The following PPM1H variants were observed in gnomAD, a reference collection of about 807,000 sequenced individuals.
PPM1H encodes protein phosphatase, Mg2+/Mn2+ dependent 1H.
Under a neutral mutation model 54.9 loss-of-function variants are expected in PPM1H, and 27 were observed. That is an observed-to-expected ratio of 0.49 (90% confidence interval 0.36 to 0.68). The LOEUF (loss-of-function observed/expected upper bound fraction) is 0.68, where lower values mean the gene tolerates loss of function less well. PPM1H is among the 30% of genes least tolerant of loss of function. PPM1H has a pLI of 0.00. For synonymous variants in PPM1H, 305 were observed against 270.8 expected, an observed-to-expected ratio of 1.13 and a Z score of -1.24; for missense variants, 596 against 667.8, an observed-to-expected ratio of 0.89 and a Z score of 1.19.
intron 5 of PPM1H, among the ~76,000 whole-genome samples, chr12:62,726,925 T>A (rs1327121297): frequency 6.6e-6 from 1 of 152,204 alleles, no homozygotes; most frequent in Non-Finnish European, 1.5e-5. Flanking sequence ...ACTGACTTTT[T>A]TTTTTTGAGA....
At chr12:62,843,278 C>T (rs1868824786) in intron 1 of PPM1H, among the ~76,000 whole-genome samples, 1 of 152,182 alleles carries the variant, frequency 6.6e-6, no homozygotes, top group Admixed American at 6.5e-5. Context: ...GATGGCGCCA[C>T]TGCACTCCAG....
chr12:62,717,765 G>C (rs1163740083), intron 6 of PPM1H, among the ~76,000 whole-genome samples: 1 of 152,174 alleles, frequency 6.6e-6, no homozygotes, highest in Non-Finnish European at 1.5e-5. Context: ...TACTTACAAA[G>C]AGAGGTTTGA....
In PPM1H at chr12:62,932,628, C is replaced by CTTTTTT. The variant is rs61003358; in HGVS notation, c.245+1858_245+1863dup. Among the ~76,000 whole-genome samples, 295 of 53,984 alleles carry CTTTTTT rather than the reference C, an allele frequency of 5.5e-3. 67 individuals are homozygous for CTTTTTT. The highest frequency in any genetic ancestry group is 0.012 in the African/African-American group (165 of 14,340). The allele number at this position is 53,984 out of a possible 152,430, so 35.4% of individuals were successfully genotyped here. On this transcript the variant is annotated intron_variant, in intron 1 of 9. Transcript: ENST00000228705. ...CTGTCTCGTAAAGGGTCCAAATGGG[C>CTTTTTT]TTTTTTTTTTTTTTTTTTTTTTTGA... is the stretch of plus-strand genomic sequence containing the variant.
chr12:62,909,867 T>C lies in PPM1H; in HGVS notation c.245+24625A>G, dbSNP rs1871403857. 2.0e-5 allele frequency among the ~76,000 whole-genome samples: 3 copies of C among 152,348 alleles called. No homozygotes were observed. The South Asian group carries it at 6.2e-4, about 32-fold the overall frequency. ...CAAAAGAATGCGTCTCAAAGTATTA[T>C]TAAAGCAAGTCAGTAGTGTGTATTA... On this transcript the variant is annotated intron_variant, in intron 1 of 9. Transcript: ENST00000228705.
intron 9 of PPM1H, among the ~76,000 whole-genome samples, chr12:62,659,946 C>T (rs1480756629): frequency 6.6e-6 from 1 of 152,198 alleles, no homozygotes; most frequent in Non-Finnish European, 1.5e-5. Flanking sequence ...TTGAACCCAG[C>T]AACTCTCCAC....
chr12:62,767,984 A>G (rs1425531090), intron 4 of PPM1H, among the ~76,000 whole-genome samples: 4 of 152,170 alleles, frequency 2.6e-5, no homozygotes, highest in Admixed American at 6.5e-5. Context: ...GTTTGGCCTC[A>G]TCTTAATTAT....
At position 62,720,197 on chromosome 12, in the gene PPM1H, G is replaced by C; in HGVS notation, c.1047C>G (p.Leu349=). The stretch of plus-strand genomic sequence containing the variant: ...AGCCTGTCATATTAAAGTCCCTGTA[G>C]AGCATCTTCTTTCCAAGCTCCTTTC... ...VQRKELGKKM[L]YRDFNMTGWA... The change falls in exon 6 of 10, where the codon CTC becomes CTG. Residue 349 remains leucine (L), a synonymous_variant. Coordinates refer to ENST00000228705, the MANE Select transcript of PPM1H (RefSeq NM_020700.2). 2 of 1,611,118 alleles carry C rather than the reference G, an allele frequency of 1.2e-6. No homozygotes were observed. The highest frequency in any genetic ancestry group is 1.7e-6 in the Non-Finnish European group (2 of 1,177,322).
chr12:62,862,898 A>C (rs953434414), intron 1 of PPM1H, among the ~76,000 whole-genome samples: 4 of 152,334 alleles, frequency 2.6e-5, no homozygotes, highest in Admixed American at 1.3e-4. Flanking sequence ...AATTCAATAC[A>C]TTTTTAAATG....
At chr12:62,843,239 C>T (rs767994986) in intron 1 of PPM1H, among the ~76,000 whole-genome samples, 31 of 152,166 alleles carry the variant, frequency 2.0e-4, no homozygotes, top group Non-Finnish European at 3.5e-4. Context: ...TTGCTTGGAA[C>T]CCCGGAGGTG....
intron 4 of PPM1H, among the ~76,000 whole-genome samples, chr12:62,749,422 T>C (rs1412241736): frequency 5.3e-5 from 8 of 152,224 alleles, no homozygotes; most frequent in Non-Finnish European, 1.2e-4. Context: ...ATCCATTTTG[T>C]TCAAAAGCAT....
rs75983458 is a variant in PPM1H, at chr12:62,857,213, C to T, written c.246-24934G>A. Among the ~76,000 whole-genome samples the T allele has an allele frequency of 6.8e-3, 921 of 135,828 alleles. 16 individuals are homozygous for T. Among genetic ancestry groups the T allele is most frequent in the African/African-American group, 0.026 (874 of 33,036 alleles). The allele number at this position is 135,828 out of a possible 152,430, so 89.1% of individuals were successfully genotyped here. A position where few individuals can be genotyped will look rare whatever the true frequency, so the allele number is the denominator to read the frequency against. On this transcript the variant is annotated intron_variant, in intron 1 of 9. Transcript: ENST00000228705. ...AAAGGGCTGGCACAAAGACAGCACT[C>T]AAATATTTTAACAAACAAACAAATA...
chr12:62,692,960 C>CACACAT, intron 7 of PPM1H, among the ~76,000 whole-genome samples: 1 of 151,936 alleles, frequency 6.6e-6, no homozygotes, highest in South Asian at 2.1e-4. Context: ...CACACACACA[C>CACACAT]ACACTCTGCC....
At position 62,836,376 on chromosome 12, in the gene PPM1H, G is replaced by A. The variant is rs1375868984; in HGVS notation, c.246-4097C>T. On this transcript the variant is annotated intron_variant, in intron 1 of 9. Transcript: ENST00000228705. Reference sequence around the variant, plus strand: ...CAGAAATCAACTCTGCTACTTCCTAGGTGTGGATAACAGTATCTCACATTT... The same window carrying A: ...CAGAAATCAACTCTGCTACTTCCTAAGTGTGGATAACAGTATCTCACATTT... 3.3e-5 allele frequency among the ~76,000 whole-genome samples: 5 copies of A among 152,300 alleles called. No homozygotes were observed. The East Asian group carries it at 7.7e-4, about 23-fold the overall frequency.
chr12:62,808,623 A>G (rs950242471), intron 2 of PPM1H, among the ~76,000 whole-genome samples: 3 of 151,984 alleles, frequency 2.0e-5, no homozygotes, highest in African/African-American at 4.8e-5. Flanking sequence ...CACCCACACC[A>G]AACTACAGAA....
chr12:62,917,407 G>C (rs772534762), intron 1 of PPM1H, among the ~76,000 whole-genome samples: 6 of 152,158 alleles, frequency 3.9e-5, no homozygotes, highest in Non-Finnish European at 8.8e-5. Flanking sequence ...GGGTCAGTAA[G>C]AGCTTTCAAT....
intron 7 of PPM1H, among the ~76,000 whole-genome samples, chr12:62,690,446 A>G (rs886392086): frequency 6.6e-6 from 1 of 152,182 alleles, no homozygotes; most frequent in Non-Finnish European, 1.5e-5. Context: ...AAGGAACAAA[A>G]TGTCACCAGT....
chr12:62,707,655 A>G (rs2076183029), intron 6 of PPM1H, among the ~76,000 whole-genome samples: 1 of 152,236 alleles, frequency 6.6e-6, no homozygotes, highest in South Asian at 2.1e-4. Flanking sequence ...ATTGCCCCAG[A>G]TGACAAAGCT....
chr12:62,883,709 T>A (rs1870478248), intron 1 of PPM1H, among the ~76,000 whole-genome samples: 1 of 152,138 alleles, frequency 6.6e-6, no homozygotes, highest in South Asian at 2.1e-4. Context: ...CTTTGTCACT[T>A]GTAAAATGAA....
chr12:62,760,815 G>A (rs1478361639), intron 4 of PPM1H, among the ~76,000 whole-genome samples: 5 of 152,220 alleles, frequency 3.3e-5, no homozygotes, highest in African/African-American at 9.7e-5. Context: ...TATAAAAGGT[G>A]AGTAAATGGC....
Sources: allele counts gnomAD v4.1 joint callset (sites outside exome capture counted in the v4.1 genomes callset), GRCh38; gene constraint gnomAD v4.1.1; transcripts MANE v1.5; gene names NCBI Gene and HGNC (gene_info 2026-07-23, HGNC 2026-07-21).